The following EXOSC7 variants were observed in gnomAD, a reference collection of about 807,000 sequenced individuals.
The protein encoded by EXOSC7 is exosome component 7.
In EXOSC7, 25 loss-of-function variants were observed where a neutral mutation model predicts 34.3. The observed-to-expected ratio is 0.73, with a 90% CI of 0.53 to 1.02. EXOSC7 has a LOEUF of 1.02. Ranked by LOEUF, EXOSC7 falls within the 50% of genes least tolerant of loss-of-function variation. The pLI is 0.00. For synonymous variants in EXOSC7, 130 were observed against 143.0 expected (o/e 0.91, Z 0.65); for missense variants, 370 against 368.5 (o/e 1.00, Z -0.03).
At chr3:44,984,147 A>G (rs981570138) in intron 1 of EXOSC7, among the ~76,000 whole-genome samples, 6 of 152,142 alleles carry the variant, frequency 3.9e-5, no homozygotes, top group Non-Finnish European at 5.9e-5. Flanking sequence ...AAGAGGTGTG[A>G]CTAATCTTTC....
chr3:45,009,475 T>G (rs1426825075), intron 7 of EXOSC7, among the ~76,000 whole-genome samples: 1 of 152,202 alleles, frequency 6.6e-6, no homozygotes, highest in Non-Finnish European at 1.5e-5. Flanking sequence ...CTCATGTATA[T>G]GAATAATCAG....
intron 1 of EXOSC7, among the ~76,000 whole-genome samples, chr3:44,978,868 G>C (rs1008006938): frequency 2.0e-5 from 3 of 152,218 alleles, no homozygotes; most frequent in Non-Finnish European, 4.4e-5. Context: ...TGACTTGTCT[G>C]TATGGGGGAC....
chr3:44,994,856 GGTGTGTGTGTGTGTGTGTGTGTGT>G (rs34579096), intron 3 of EXOSC7, among the ~76,000 whole-genome samples: 16 of 134,948 alleles, frequency 1.2e-4, no homozygotes, highest in East Asian at 6.4e-4. Context: ...TGGAAGAATG[GGTGTGTGTGTGTGTGTGTGTGTGT>G]GTGTGTGTGT....
chr3:45,005,532 T>A, intron 6 of EXOSC7, 118 bp downstream of exon 6: 1 of 971,332 alleles, frequency 1.0e-6, no homozygotes, highest in Non-Finnish European at 1.5e-6. Flanking sequence ...CATATAGAAG[T>A]AGCTTTTACC....
At chr3:44,997,538 G>T (rs1706755190) in intron 4 of EXOSC7, among the ~76,000 whole-genome samples, 1 of 152,184 alleles carries the variant, frequency 6.6e-6, no homozygotes, top group Non-Finnish European at 1.5e-5. Context: ...AACAAGAGAT[G>T]GTCTCTGGAT....
At chr3:44,985,571 G>C (rs1277597398) in intron 1 of EXOSC7, among the ~76,000 whole-genome samples, 1 of 152,128 alleles carries the variant, frequency 6.6e-6, no homozygotes, top group African/African-American at 2.4e-5. Context: ...TCCTCCCGAG[G>C]TGGGTTCGTG....
At chr3:45,008,563 A>G (rs1012282028) in intron 7 of EXOSC7, among the ~76,000 whole-genome samples, 35 of 152,264 alleles carry the variant, frequency 2.3e-4, no homozygotes, top group African/African-American at 6.0e-4. Flanking sequence ...CTCATCTGCA[A>G]AGTGGGACTG....
chr3:44,993,190 TCAAA>T (rs1302245317), intron 3 of EXOSC7, among the ~76,000 whole-genome samples: 1 of 152,144 alleles, frequency 6.6e-6, no homozygotes, highest in Non-Finnish European at 1.5e-5. Flanking sequence ...CGCAGACACT[TCAAA>T]CAAAGGCTTG....
downstream of EXOSC7, chr3:45,012,471 T>C (rs1157429310): frequency 2.6e-5 from 4 of 152,186 alleles, no homozygotes; most frequent in Non-Finnish European, 5.9e-5. Context: ...GTTGAGAGCA[T>C]AGCCTGGGTT....
chr3:44,998,236 A>G (rs1706780961), intron 4 of EXOSC7, among the ~76,000 whole-genome samples: 1 of 151,830 alleles, frequency 6.6e-6, no homozygotes, highest in Non-Finnish European at 1.5e-5. Flanking sequence ...GGGTTTCATC[A>G]TGTTGGCCAG....
intron 3 of EXOSC7, among the ~76,000 whole-genome samples, chr3:44,995,533 G>A (rs955230898): frequency 1.3e-5 from 2 of 152,194 alleles, no homozygotes; most frequent in Non-Finnish European, 2.9e-5. Flanking sequence ...ACTTAATATT[G>A]ATTGCTTAGT....
intron 4 of EXOSC7, among the ~76,000 whole-genome samples, chr3:44,998,983 G>A (rs951652617): frequency 3.9e-5 from 6 of 152,108 alleles, no homozygotes; most frequent in African/African-American, 9.7e-5. Context: ...CCTCCCCTCC[G>A]CCACTAGAGA....
In EXOSC7 at chr3:44,997,148, G is replaced by A. The variant is rs771873199; in HGVS notation, c.316G>A (p.Ala106Thr). Residue 106 changes from alanine (A) to threonine (T), a missense_variant, in exon 4 of 8, where the codon GCT becomes ACT. This residue lies in a region of EXOSC7 where 255 missense variants were observed against 246.4 expected (regional missense o/e 1.03). Coordinates refer to ENST00000265564, the MANE Select transcript of EXOSC7 (RefSeq NM_015004.4). The part of the protein sequence containing the change: ...RGGDDLGTEI[A>T]NTLYRIFNNK... ...AGGTGATGACCTTGGCACCGAGATC[G>A]CTAACACCCTCTATCGGATATTTAA... is the stretch of plus-strand genomic sequence containing the variant. 1.3e-5 allele frequency: 21 copies of A among 1,612,876 alleles called. No homozygotes were observed. Among genetic ancestry groups the A allele is most frequent in the Middle Eastern group, 1.6e-4 (1 of 6,084 alleles).
At chr3:45,006,063 C>G (rs1440977661) in intron 6 of EXOSC7, among the ~76,000 whole-genome samples, 1 of 85,676 alleles carries the variant, frequency 1.2e-5, no homozygotes, top group Non-Finnish European at 2.2e-5. Context: ...GATGTTGGGT[C>G]TTGGCTTTTT....
chr3:44,997,114 A>G lies in EXOSC7; in HGVS notation c.282A>G (p.Glu94=), dbSNP rs557262855. 6.2e-7 allele frequency: 1 copy of G among 1,613,810 alleles called. No homozygotes were observed. Among genetic ancestry groups the G allele is most frequent in the African/African-American group, 1.3e-5 (1 of 74,850 alleles). Residue 94 remains glutamate (E), a synonymous_variant, in exon 4 of 8, where the codon GAA becomes GAG. Transcript: ENST00000265564. Reference sequence around the variant, plus strand: ...CAGCCAGTGCTACCCCTGAATTTGAAGGTAGAGGAGGTGATGACCTTGGCA... The same window carrying G: ...CAGCCAGTGCTACCCCTGAATTTGAGGGTAGAGGAGGTGATGACCTTGGCA... ...DCSASATPEF[E]GRGGDDLGTE... is the part of the protein sequence containing the mutation.
intron 4 of EXOSC7, 96 bp from the exon 5 acceptor site, chr3:45,001,442 C>CAA (rs879013353): frequency 3.8e-4 from 279 of 742,320 alleles, no homozygotes; most frequent in South Asian, 5.8e-4. Flanking sequence ...GACTCTGTCT[C>CAA]AAAAAAAAAA....
chr3:44,979,950 G>C (rs566197627), intron 1 of EXOSC7, among the ~76,000 whole-genome samples: 21 of 152,152 alleles, frequency 1.4e-4, no homozygotes, highest in Admixed American at 9.8e-4. Context: ...AGTATGGGGG[G>C]GGTTTCAGGG....
At chr3:44,986,613 C>T (rs572770739) in intron 1 of EXOSC7, among the ~76,000 whole-genome samples, 5 of 152,350 alleles carry the variant, frequency 3.3e-5, no homozygotes, top group East Asian at 1.9e-4. Context: ...GAGGAGGTGC[C>T]GAGAGCAAGC....
At chr3:44,991,599 G>A (rs192627667) in intron 3 of EXOSC7, among the ~76,000 whole-genome samples, 19 of 152,282 alleles carry the variant, frequency 1.2e-4, no homozygotes, top group Non-Finnish European at 2.4e-4. Flanking sequence ...TAGGGGATAC[G>A]TTTCATTGTG....
Sources: allele counts gnomAD v4.1 joint callset (sites outside exome capture counted in the v4.1 genomes callset), GRCh38; gene constraint gnomAD v4.1.1; regional missense constraint gnomAD v4.1.1; transcripts MANE v1.5; gene names NCBI Gene and HGNC (gene_info 2026-07-23, HGNC 2026-07-21).